EYS: variants seen among roughly 807,000 people sequenced by gnomAD.
The protein encoded by EYS is protein eyes shut homolog.
In EYS, 250 loss-of-function variants were observed where a neutral mutation model predicts 282.1. That is an observed-to-expected ratio of 0.89 (90% CI 0.80 to 0.98). The LOEUF (loss-of-function observed/expected upper bound fraction) is 0.98. Ranked by LOEUF, EYS falls within the 50% of genes least tolerant of loss-of-function variation. The pLI is 0.00. For synonymous variants in EYS, 1,355 were observed against 1,282.9 expected (o/e 1.06, Z -1.20); for missense variants, 4,016 against 3,709.0 (o/e 1.08, Z -2.15).
intron 12 of EYS, among the ~76,000 whole-genome samples, chr6:65,177,379 G>A (rs1283361561): frequency 2.6e-5 from 4 of 151,774 alleles, no homozygotes; most frequent in Non-Finnish European, 4.4e-5. Flanking sequence ...TGGGCATTAT[G>A]TTAATATCTT....
intron 26 of EYS, among the ~76,000 whole-genome samples, chr6:64,510,836 G>A (rs1031601078): frequency 6.6e-6 from 1 of 152,052 alleles, no homozygotes; most frequent in Non-Finnish European, 1.5e-5. Context: ...TCTAGAATAT[G>A]TTAGAACCTG....
chr6:65,518,990 A>C (rs768599017), intron 2 of EYS, among the ~76,000 whole-genome samples: 2 of 152,188 alleles, frequency 1.3e-5, no homozygotes, highest in African/African-American at 2.4e-5. Flanking sequence ...CAGCCAAACC[A>C]TATAAATGTG....
chr6:65,183,448 G>A (rs72881756), intron 12 of EYS, among the ~76,000 whole-genome samples: 49 of 151,770 alleles, frequency 3.2e-4, no homozygotes, highest in Non-Finnish European at 6.0e-4. Context: ...GTTTCTAAAG[G>A]ATCTTCTTTA....
intron 30 of EYS, among the ~76,000 whole-genome samples, chr6:64,263,043 C>T (rs2150353922): frequency 6.9e-6 from 1 of 144,374 alleles, no homozygotes; most frequent in East Asian, 2.0e-4. Context: ...CTTTCATGAC[C>T]TCTCCTTGCC....
chr6:63,861,971 C>T (rs1452310153), intron 36 of EYS, among the ~76,000 whole-genome samples: 1 of 152,216 alleles, frequency 6.6e-6, no homozygotes, highest in Admixed American at 6.5e-5. Flanking sequence ...TATGCACCAG[C>T]TACAGCAGTA....
intron 19 of EYS, among the ~76,000 whole-genome samples, chr6:64,861,349 G>A (rs1347297777): frequency 1.3e-5 from 2 of 152,200 alleles, no homozygotes; most frequent in African/African-American, 4.8e-5. Flanking sequence ...CTGCTCACTG[G>A]AGGGGGCACA....
chr6:64,965,719 T>C (rs1309229093), intron 14 of EYS, among the ~76,000 whole-genome samples: 1 of 152,192 alleles, frequency 6.6e-6, no homozygotes, highest in Admixed American at 6.5e-5. Context: ...TGGTTTTATA[T>C]GCTCCTTGAT....
chr6:63,929,567 T>C (rs1294321102), intron 35 of EYS, among the ~76,000 whole-genome samples: 3 of 152,242 alleles, frequency 2.0e-5, no homozygotes. Context: ...CTTGAAATCT[T>C]AAAACTACAG....
At chr6:63,793,599 C>T (rs541294559) in intron 37 of EYS, among the ~76,000 whole-genome samples, 10 of 152,266 alleles carry the variant, frequency 6.6e-5, no homozygotes, top group African/African-American at 2.4e-4. Flanking sequence ...ATTATGGTGA[C>T]TTTCTAAGTT....
At chr6:65,276,186 GA>G (rs1238921787) in intron 12 of EYS, among the ~76,000 whole-genome samples, 1 of 152,056 alleles carries the variant, frequency 6.6e-6, no homozygotes, top group African/African-American at 2.4e-5. Flanking sequence ...TCACAAGAGG[GA>G]ACAAGGTTCT....
At chr6:65,501,607 G>C (rs3904333) in intron 2 of EYS, among the ~76,000 whole-genome samples, 2 of 151,612 alleles carry the variant, frequency 1.3e-5, no homozygotes, top group East Asian at 3.9e-4. Flanking sequence ...TGATTATAGA[G>C]TATAAAAGAT....
intron 31 of EYS, among the ~76,000 whole-genome samples, chr6:64,104,872 A>G (rs1772954222): frequency 6.6e-6 from 1 of 151,980 alleles, no homozygotes. Context: ...ACGACCATCA[A>G]CAGCCTTTTA....
chr6:65,006,752 G>A (rs2150130641), intron 13 of EYS, among the ~76,000 whole-genome samples: 1 of 152,288 alleles, frequency 6.6e-6, no homozygotes, highest in Non-Finnish European at 1.5e-5. Flanking sequence ...ACCACAATGG[G>A]TATTCAGTAA....
chr6:65,322,645 CTT>C (rs1010271341), intron 11 of EYS, among the ~76,000 whole-genome samples: 3 of 151,758 alleles, frequency 2.0e-5, no homozygotes, highest in African/African-American at 4.8e-5. Flanking sequence ...AAATACAAAA[CTT>C]AGCTGGGCCT....
chr6:64,582,732 G>T (rs1238453564), intron 26 of EYS, among the ~76,000 whole-genome samples: 3 of 152,056 alleles, frequency 2.0e-5, no homozygotes, highest in Non-Finnish European at 1.5e-5. Context: ...TCACTCTACT[G>T]TATTCTCTAT....
At chr6:65,077,409 T>C (rs1335706823) in intron 12 of EYS, among the ~76,000 whole-genome samples, 1 of 152,070 alleles carries the variant, frequency 6.6e-6, no homozygotes, top group Non-Finnish European at 1.5e-5. Context: ...TATGATTCAA[T>C]AAGGTAAGCC....
At chr6:63,869,816 G>A (rs1302494798) in intron 35 of EYS, among the ~76,000 whole-genome samples, 2 of 152,088 alleles carry the variant, frequency 1.3e-5, no homozygotes, top group Non-Finnish European at 2.9e-5. Flanking sequence ...TGGGAAAGAA[G>A]GATAAGGTGT....
chr6:65,030,008 C>G (rs1401152313), intron 13 of EYS, among the ~76,000 whole-genome samples: 1 of 152,096 alleles, frequency 6.6e-6, no homozygotes, highest in Non-Finnish European at 1.5e-5. Context: ...TTTGAGCTGA[C>G]AAGAAGAGCT....
intron 2 of EYS, among the ~76,000 whole-genome samples, chr6:65,541,219 C>A (rs1203514269): frequency 6.6e-6 from 1 of 152,084 alleles, no homozygotes; most frequent in South Asian, 2.1e-4. Flanking sequence ...AACTATGTTC[C>A]TTTAATCTAA....
Sources: gnomAD v4.1 joint callset for allele counts (sites outside exome capture counted in the v4.1 genomes callset) on GRCh38, gnomAD v4.1.1 for gene constraint, MANE v1.5 for transcripts, NCBI Gene and HGNC (gene_info 2026-07-23, HGNC 2026-07-21) for gene names.